Variants in PPP2R2B observed in about 807,000 individuals in gnomAD.
PPP2R2B encodes serine/threonine-protein phosphatase 2A 55 kDa regulatory subunit B beta isoform.
PPP2R2B carries 5 observed loss-of-function variants against 46.0 expected under a neutral mutation model. The observed-to-expected ratio is 0.11, with a 90% CI of 0.06 to 0.23. PPP2R2B has a LOEUF of 0.23. PPP2R2B is among the 10% of genes least tolerant of loss of function. The pLI is 1.00. For missense variants in PPP2R2B, 367 were observed against 575.0 expected (o/e 0.64, Z 3.70); for synonymous variants, 215 against 206.7 (o/e 1.04, Z -0.34).
intron 2 of PPP2R2B, among the ~76,000 whole-genome samples, chr5:147,079,940 T>A (rs1313732914): frequency 6.6e-6 from 1 of 152,184 alleles, no homozygotes; most frequent in East Asian, 1.9e-4. Context: ...AACATCACAC[T>A]GTACCTTATA....
chr5:146,772,474 C>T (rs1754929847), intron 2 of PPP2R2B, among the ~76,000 whole-genome samples: 1 of 148,976 alleles, frequency 6.7e-6, no homozygotes, highest in South Asian at 2.1e-4. Flanking sequence ...ATGAGACCCA[C>T]CAAATTGTTC....
intron 2 of PPP2R2B, among the ~76,000 whole-genome samples, chr5:146,731,604 A>G (rs1273040776): frequency 6.6e-6 from 1 of 152,174 alleles, no homozygotes; most frequent in Admixed American, 6.5e-5. Flanking sequence ...CATTTCTGCC[A>G]TCTATTAGCT....
chr5:147,004,527 A>G (rs1754337893), intron 1 of PPP2R2B, among the ~76,000 whole-genome samples: 1 of 152,192 alleles, frequency 6.6e-6, no homozygotes, highest in Non-Finnish European at 1.5e-5. Flanking sequence ...GACAGCCTAT[A>G]ACCAGGTATT....
chr5:146,987,901 T>C (rs1464833107), intron 1 of PPP2R2B, among the ~76,000 whole-genome samples: 1 of 151,910 alleles, frequency 6.6e-6, no homozygotes, highest in Admixed American at 6.5e-5. Flanking sequence ...AAGACATGCA[T>C]AGACTAAAAG....
At position 146,892,939 on chromosome 5, in the gene PPP2R2B, A is replaced by G. The variant is rs1362904327; in HGVS notation, c.79+162726T>C. ...TGCACTCAGGCATTCTGCTTGTTTT[A>G]TAGAACCTCTAGGATCTATTGCTAC... is the stretch of plus-strand genomic sequence containing the variant. On this transcript the variant is annotated intron_variant, in intron 1 of 8. Coordinates refer to the PPP2R2B transcript ENST00000336640. Among the ~76,000 whole-genome samples, 3 of 152,322 alleles carry G rather than the reference A, an allele frequency of 2.0e-5. No homozygotes were observed. In the East Asian group the frequency reaches 5.8e-4, roughly 29 times the overall value.
chr5:146,815,695 T>C (rs1757889847), intron 2 of PPP2R2B, among the ~76,000 whole-genome samples: 1 of 152,234 alleles, frequency 6.6e-6, no homozygotes. Context: ...TCCTGGTTTG[T>C]GACTCCATTT....
At chr5:146,735,196 G>C (rs1752463603) in intron 2 of PPP2R2B, among the ~76,000 whole-genome samples, 1 of 152,132 alleles carries the variant, frequency 6.6e-6, no homozygotes, top group African/African-American at 2.4e-5. Context: ...ATAAATAACA[G>C]GTAAAATCAG....
At chr5:146,735,535 T>C (rs1752485366) in intron 2 of PPP2R2B, among the ~76,000 whole-genome samples, 1 of 152,038 alleles carries the variant, frequency 6.6e-6, no homozygotes, top group South Asian at 2.1e-4. Context: ...GCAAAGGAGA[T>C]TCTAAATCAG....
chr5:146,815,540 C>A (rs924486458), intron 2 of PPP2R2B, among the ~76,000 whole-genome samples: 1 of 152,214 alleles, frequency 6.6e-6, no homozygotes. Flanking sequence ...CAGGAGTGCA[C>A]GCAAGTGAAA....
rs1051374107 is a variant in PPP2R2B at position 147,041,996 on chromosome 5, C to T, written c.79+13669G>A. 9.0e-4 allele frequency among the ~76,000 whole-genome samples: 137 copies of T among 152,224 alleles called. 2 individuals are homozygous for T. The highest frequency in any genetic ancestry group is 1.8e-3 in the Non-Finnish European group (123 of 68,002). On this transcript the variant is annotated intron_variant, in intron 1 of 8. Coordinates refer to the PPP2R2B transcript ENST00000336640. ...CCCTTCCTCAAGGATTTAACTTGTGCAAGCTGACTCCCAGCACATCCAAGA... is the reference window on the plus strand; with the variant it reads ...CCCTTCCTCAAGGATTTAACTTGTGTAAGCTGACTCCCAGCACATCCAAGA...
intron 2 of PPP2R2B, among the ~76,000 whole-genome samples, chr5:146,702,760 C>G (rs1229370397): frequency 6.6e-6 from 1 of 152,220 alleles, no homozygotes; most frequent in Non-Finnish European, 1.5e-5. Context: ...TTTATGACTT[C>G]TAATGTACAG....
At chr5:146,968,824 C>T (rs767484701) in intron 1 of PPP2R2B, among the ~76,000 whole-genome samples, 10 of 152,036 alleles carry the variant, frequency 6.6e-5, no homozygotes, top group African/African-American at 9.7e-5. Flanking sequence ...TGAGGAGAGA[C>T]GTACAACATG....
chr5:146,985,747 A>C (rs2151858308), intron 1 of PPP2R2B, among the ~76,000 whole-genome samples: 1 of 152,314 alleles, frequency 6.6e-6, no homozygotes, highest in South Asian at 2.1e-4. Flanking sequence ...AGAAACAAGA[A>C]AAGGCATTTA....
At position 146,655,895 on chromosome 5, in the gene PPP2R2B, A is replaced by G. The variant is rs564117302; in HGVS notation, c.448-5171T>C. Among the ~76,000 whole-genome samples the G allele has an allele frequency of 2.1e-3, 315 of 149,458 alleles. 1 individual carries two copies. Among genetic ancestry groups the G allele is most frequent in the Non-Finnish European group, 3.7e-3 (249 of 67,298 alleles). On this transcript the variant is annotated intron_variant, in intron 5 of 9. Transcript: ENST00000394411. ...TTGAAGGGTGGGTGGGAGGTCCCCA[A>G]AGAGAGGTGGGGGGTAGGGAGGGGA...
chr5:146,750,374 A>G (rs540870204), intron 2 of PPP2R2B, among the ~76,000 whole-genome samples: 2 of 152,350 alleles, frequency 1.3e-5, no homozygotes, highest in Admixed American at 1.3e-4. Flanking sequence ...AAACCTATAT[A>G]TCAATTTGGG....
At chr5:147,015,061 A>G (rs997511120) in intron 1 of PPP2R2B, among the ~76,000 whole-genome samples, 3 of 152,012 alleles carry the variant, frequency 2.0e-5, no homozygotes, top group Non-Finnish European at 1.5e-5. Context: ...ATAGCAGGTA[A>G]TTTGTTAATT....
At chr5:146,812,590 T>C (rs940932572) in intron 2 of PPP2R2B, among the ~76,000 whole-genome samples, 26 of 20,608 alleles carry the variant, frequency 1.3e-3, no homozygotes, top group African/African-American at 3.1e-3. Flanking sequence ...TATATATATA[T>C]ACACTGCTAT....
At chr5:147,025,291 C>A (rs1755473476) in intron 1 of PPP2R2B, among the ~76,000 whole-genome samples, 1 of 151,584 alleles carries the variant, frequency 6.6e-6, no homozygotes, top group South Asian at 2.1e-4. Context: ...AAAAATCATC[C>A]CCAAAATGTG....
Position 146,582,298 on chromosome 5 carries a change from G to A in PPP2R2B, c.*7649C>T, listed in dbSNP as rs1769931457. 2 of 152,336 alleles carry A rather than the reference G, an allele frequency of 1.3e-5. No homozygotes were observed. Among genetic ancestry groups the A allele is most frequent in the Admixed American group, 1.3e-4 (2 of 15,300 alleles). The allele number at this position is 152,336 out of a possible 1,614,324, so 9.4% of individuals were successfully genotyped here. A position where few individuals can be genotyped will look rare whatever the true frequency, so the allele number is the denominator to read the frequency against. ...TGGGGAATATTTAGTGCTGCAGCCTGGGTGTGGGGGCAATATCTTGGATGT... is the reference window on the plus strand; with the variant it reads ...TGGGGAATATTTAGTGCTGCAGCCTAGGTGTGGGGGCAATATCTTGGATGT... On this transcript the variant is annotated 3_prime_UTR_variant, in exon 10 of 10. Coordinates refer to ENST00000394411, the MANE Select transcript of PPP2R2B (RefSeq NM_181675.4).
Sources: gnomAD v4.1 joint callset for allele counts (sites outside exome capture counted in the v4.1 genomes callset) on GRCh38, gnomAD v4.1.1 for gene constraint, MANE v1.5 for transcripts, NCBI Gene and HGNC (gene_info 2026-07-23, HGNC 2026-07-21) for gene names.